B4GALT1: variants seen among roughly 807,000 people sequenced by gnomAD.
B4GALT1 encodes beta-1,4-galactosyltransferase 1.
Under a neutral mutation model 34.9 loss-of-function variants are expected in B4GALT1, and 16 were observed. That is an observed-to-expected ratio of 0.46 (90% CI 0.31 to 0.70). The LOEUF (loss-of-function observed/expected upper bound fraction) is 0.70, where lower values mean the gene tolerates loss of function less well. Among genes scored for constraint, B4GALT1 ranks in the 30% least tolerant of loss-of-function variants. The probability of loss-of-function intolerance (pLI) is 0.05; values close to 1 mark genes in which losing one functional copy is unlikely to be tolerated. For synonymous variants in B4GALT1, 221 were observed against 218.1 expected (o/e 1.01, Z -0.12); for missense variants, 445 against 530.5 (o/e 0.84, Z 1.58).
intron 1 of B4GALT1, among the ~76,000 whole-genome samples, chr9:33,139,034 C>T (rs1036421609): frequency 3.3e-5 from 5 of 152,180 alleles, no homozygotes; most frequent in African/African-American, 4.8e-5. Flanking sequence ...ATGCTGACAA[C>T]CCACAGAAGC....
At chr9:33,163,270 A>C (rs1021049666) in intron 1 of B4GALT1, among the ~76,000 whole-genome samples, 3 of 152,202 alleles carry the variant, frequency 2.0e-5, no homozygotes, top group African/African-American at 7.2e-5. Context: ...GCAGACGCTC[A>C]GCAACAGCCC....
the B4GALT1 span, among the ~76,000 whole-genome samples, chr9:33,182,680 T>C: frequency 6.6e-6 from 1 of 152,214 alleles, no homozygotes; most frequent in Non-Finnish European, 1.5e-5. Context: ...TTCTCCCCGC[T>C]ATATTCATCC....
chr9:33,147,338 C>A (rs1053207305), intron 1 of B4GALT1, among the ~76,000 whole-genome samples: 12 of 151,600 alleles, frequency 7.9e-5, no homozygotes, highest in African/African-American at 1.5e-4. Flanking sequence ...CAACCTCCCC[C>A]TCAGGTTCAA....
chr9:33,133,771 G>C (rs1039914422), intron 2 of B4GALT1, among the ~76,000 whole-genome samples: 2 of 151,976 alleles, frequency 1.3e-5, no homozygotes, highest in African/African-American at 4.8e-5. Flanking sequence ...AACAGGGCTT[G>C]TTCTGCTCTC....
intron 2 of B4GALT1, among the ~76,000 whole-genome samples, chr9:33,120,882 A>C (rs543177100): frequency 7.8e-4 from 119 of 152,376 alleles, no homozygotes; most frequent in Non-Finnish European, 1.5e-3. Context: ...ACTGCAAAAA[A>C]CAGAATAATC....
chr9:33,104,471 A>G, exon 3 of B4GALT1: 1 of 213,690 alleles, frequency 4.7e-6, no homozygotes, highest in Non-Finnish European at 9.6e-6. Context: ...CCCACCTGGC[A>G]AAAGGACGGT....
chr9:33,159,786 G>A (rs769667109), intron 1 of B4GALT1, among the ~76,000 whole-genome samples: 1 of 152,226 alleles, frequency 6.6e-6, no homozygotes, highest in Non-Finnish European at 1.5e-5. Context: ...ACATCTCAAT[G>A]ATGTCAACAG....
At chr9:33,174,980 AAAAAAAAAAAATAT>A in the B4GALT1 span, among the ~76,000 whole-genome samples, 2 of 19,888 alleles carry the variant, frequency 1.0e-4, no homozygotes, top group African/African-American at 1.3e-4. Context: ...AAAAAAAAAA[AAAAAAAAAAAATAT>A]ATATATATAT....
upstream of B4GALT1, among the ~76,000 whole-genome samples, chr9:33,169,078 G>A (rs1271085001): frequency 1.3e-5 from 2 of 152,140 alleles, no homozygotes; most frequent in African/African-American, 2.4e-5. Flanking sequence ...CCTCGATCAA[G>A]CCACCATCAT....
rs774394805 is a variant in B4GALT1 at position 33,111,143 on chromosome 9, T to C, written c.*2311A>G. The C allele has an allele frequency of 6.6e-6, 1 of 151,854 alleles. No individual in the cohort carries two copies. Among genetic ancestry groups the C allele is most frequent in the Non-Finnish European group, 1.5e-5 (1 of 67,956 alleles). The allele number at this position is 151,854 out of a possible 1,614,324, so 9.4% of individuals were successfully genotyped here. A position where few individuals can be genotyped will look rare whatever the true frequency, so the allele number is the denominator to read the frequency against. ...GGCCTAACTGTGCCCTGGCTGTGCC[T>C]TGGGCCCAGGTGAGCCCATGAGAGC... On this transcript the variant is annotated 3_prime_UTR_variant, in exon 6 of 6. Transcript: ENST00000379731.
At chr9:33,114,512 T>C (rs890588739) in intron 4 of B4GALT1, among the ~76,000 whole-genome samples, 1 of 148,884 alleles carries the variant, frequency 6.7e-6, no homozygotes, top group African/African-American at 2.5e-5. Context: ...GGGCCTAATA[T>C]ACAGTATTTC....
At chr9:33,137,305 C>T (rs1411609) in intron 1 of B4GALT1, among the ~76,000 whole-genome samples, 71,681 of 152,012 alleles carry the variant, frequency 0.47, 17,552 homozygotes, top group African/African-American at 0.61. Context: ...AGCAAACTTT[C>T]GCATTGAGAG....
chr9:33,166,572 G>A (rs1206239168), intron 1 of B4GALT1, among the ~76,000 whole-genome samples, 186 bp downstream of exon 1: 2 of 152,200 alleles, frequency 1.3e-5, no homozygotes, highest in African/African-American at 4.8e-5. Context: ...GGACTCCCCA[G>A]GGACCCACCT....
chr9:33,132,012 A>G (rs1348541092), intron 2 of B4GALT1, among the ~76,000 whole-genome samples: 1 of 152,160 alleles, frequency 6.6e-6, no homozygotes, highest in Admixed American at 6.6e-5. Context: ...GGAGCAGATG[A>G]TAAGAGAGTA....
At chr9:33,157,930 C>A (rs1587749827) in intron 1 of B4GALT1, among the ~76,000 whole-genome samples, 2 of 152,286 alleles carry the variant, frequency 1.3e-5, no homozygotes, top group East Asian at 3.9e-4. Context: ...GAGAGGATAA[C>A]AACTTTCTTA....
chr9:33,113,957 C>T, intron 4 of B4GALT1, 79 bp from the exon 5 acceptor site: 2 of 1,280,792 alleles, frequency 1.6e-6, no homozygotes, highest in Non-Finnish European at 1.1e-6. Context: ...AAGACTGTTG[C>T]TCCATCCACC....
At chr9:33,125,827 T>C (rs978545243) in intron 2 of B4GALT1, among the ~76,000 whole-genome samples, 1 of 152,182 alleles carries the variant, frequency 6.6e-6, no homozygotes, top group East Asian at 1.9e-4. Flanking sequence ...CTGGAAGAAC[T>C]GTTCTGTCCA....
chr9:33,111,196 A>T lies in B4GALT1; in HGVS notation c.*2258T>A, dbSNP rs1839852418. The T allele has an allele frequency of 7.4e-6, 1 of 135,390 alleles. No homozygotes were observed. The highest frequency in any genetic ancestry group is 2.6e-4 in the South Asian group (1 of 3,874). The allele number at this position is 135,390 out of a possible 1,614,324, so 8.4% of individuals were successfully genotyped here. On this transcript the variant is annotated 3_prime_UTR_variant, in exon 6 of 6. Transcript: ENST00000379731. ...TACGTCAGCAAATGGGGGGAGCAGT[A>T]TTTCCCTTGGTTCTAAGAATGAACC...
chr9:33,106,158 A>G (rs1839795296), downstream of B4GALT1, among the ~76,000 whole-genome samples: 1 of 152,194 alleles, frequency 6.6e-6, no homozygotes, highest in Admixed American at 6.5e-5. Context: ...ATTTCTGCAT[A>G]TCTTTGCCAA....
Sources: gnomAD v4.1 joint callset for allele counts (sites outside exome capture counted in the v4.1 genomes callset) on GRCh38, gnomAD v4.1.1 for gene constraint, MANE v1.5 for transcripts, NCBI Gene and HGNC (gene_info 2026-07-23, HGNC 2026-07-21) for gene names.